Variants in MDGA2 observed in about 807,000 individuals in gnomAD.
MDGA2 encodes the protein MAM domain containing glycosylphosphatidylinositol anchor 2, also known as MAM domain-containing glycosylphosphatidylinositol anchor protein 2.
In MDGA2, 40 loss-of-function variants were observed where a neutral mutation model predicts 117.8. That is an observed-to-expected ratio of 0.34 (90% CI 0.26 to 0.44). The LOEUF (loss-of-function observed/expected upper bound fraction) is 0.44, where lower values mean the gene tolerates loss of function less well. Among genes scored for constraint, MDGA2 ranks in the 20% least tolerant of loss-of-function variants. The pLI is 1.00. For synonymous variants in MDGA2, 452 were observed against 439.0 expected (o/e 1.03, Z -0.37); for missense variants, 1,123 against 1,250.6 (o/e 0.90, Z 1.54).
At chr14:46,893,169 A>C (rs889456544) in intron 10 of MDGA2, among the ~76,000 whole-genome samples, 2 of 152,042 alleles carry the variant, frequency 1.3e-5, no homozygotes, top group African/African-American at 4.8e-5. Context: ...CCAGCTTTAA[A>C]AAAACAAGGT....
intron 1 of MDGA2, among the ~76,000 whole-genome samples, chr14:47,526,297 A>G (rs1894972665): frequency 6.6e-6 from 1 of 152,202 alleles, no homozygotes; most frequent in African/African-American, 2.4e-5. Context: ...TACACAAGAT[A>G]TTGCACAAAA....
At chr14:47,473,287 CA>C (rs1318327948) in intron 1 of MDGA2, among the ~76,000 whole-genome samples, 1 of 152,100 alleles carries the variant, frequency 6.6e-6, no homozygotes, top group Non-Finnish European at 1.5e-5. Context: ...GGTCTCCCTC[CA>C]AGTCACAGAG....
At position 47,425,761 on chromosome 14, in the gene MDGA2, T is replaced by C. The variant is rs551250783; in HGVS notation, c.281-124211A>G. Among the ~76,000 whole-genome samples the C allele has an allele frequency of 2.0e-4, 31 of 152,276 alleles. No individual in the cohort carries two copies. The South Asian group carries it at 6.0e-3, about 29-fold the overall frequency. On this transcript the variant is annotated intron_variant, in intron 1 of 16. Transcript: ENST00000399232. ...TATATGTGTGTATATTTTGACATGT[T>C]AGACTTTTAAAAGACTTGCAAAAGA...
At chr14:47,570,820 C>T (rs1014524711) in intron 1 of MDGA2, among the ~76,000 whole-genome samples, 1 of 152,156 alleles carries the variant, frequency 6.6e-6, no homozygotes, top group African/African-American at 2.4e-5. Flanking sequence ...AAAACCTAGG[C>T]AATACCATTC....
At chr14:47,584,928 A>G (rs986927558) in intron 1 of MDGA2, among the ~76,000 whole-genome samples, 1 of 151,742 alleles carries the variant, frequency 6.6e-6, no homozygotes, top group African/African-American at 2.4e-5. Context: ...AATGGTACAC[A>G]TTTATTCATA....
intron 1 of MDGA2, among the ~76,000 whole-genome samples, chr14:47,626,896 C>A (rs953059288): frequency 1.3e-5 from 2 of 152,262 alleles, no homozygotes; most frequent in African/African-American, 4.8e-5. Flanking sequence ...TGCAGGCGCA[C>A]GGCGCTGGAC....
chr14:46,986,740 T>C (rs1383617297), intron 8 of MDGA2, among the ~76,000 whole-genome samples: 1 of 152,030 alleles, frequency 6.6e-6, no homozygotes, highest in Admixed American at 6.6e-5. Flanking sequence ...GCATCAAGAG[T>C]AAGCTATATT....
intron 3 of MDGA2, among the ~76,000 whole-genome samples, chr14:47,168,299 A>AAC (rs1883973132): frequency 6.6e-6 from 1 of 151,814 alleles, no homozygotes; most frequent in African/African-American, 2.4e-5. Flanking sequence ...AAAAAAAAAA[A>AAC]AAAAAACCTT....
chr14:47,263,039 G>T (rs573207066), intron 2 of MDGA2, among the ~76,000 whole-genome samples: 1 of 151,950 alleles, frequency 6.6e-6, no homozygotes, highest in African/African-American at 2.4e-5. Context: ...AGGGCCTATC[G>T]GGCTGTGGGG....
chr14:47,086,601 GT>G (rs1890910292), intron 6 of MDGA2, among the ~76,000 whole-genome samples: 1 of 94,782 alleles, frequency 1.1e-5, no homozygotes. Flanking sequence ...AAAGATAGAA[GT>G]TAAACATAGA....
intron 3 of MDGA2, among the ~76,000 whole-genome samples, chr14:47,166,243 C>A (rs1315199296): frequency 6.6e-6 from 1 of 151,938 alleles, no homozygotes; most frequent in Non-Finnish European, 1.5e-5. Flanking sequence ...ACCGTGTTAG[C>A]CAGGATGGTA....
chr14:47,612,341 C>A (rs1896866424), intron 1 of MDGA2, among the ~76,000 whole-genome samples: 1 of 152,014 alleles, frequency 6.6e-6, no homozygotes. Flanking sequence ...CAATAGAATT[C>A]ATGTAATTTA....
intron 5 of MDGA2, among the ~76,000 whole-genome samples, chr14:47,110,913 T>C (rs1270536678): frequency 1.3e-5 from 2 of 152,148 alleles, no homozygotes; most frequent in African/African-American, 4.8e-5. Context: ...TACTACCAAA[T>C]AAACTCATTG....
chr14:47,610,985 C>T (rs1164745420), intron 1 of MDGA2, among the ~76,000 whole-genome samples: 3 of 152,116 alleles, frequency 2.0e-5, no homozygotes, highest in Non-Finnish European at 4.4e-5. Flanking sequence ...GTCACCAAAA[C>T]AGCATGGTAC....
chr14:47,597,731 T>A (rs1474652490), intron 1 of MDGA2, among the ~76,000 whole-genome samples: 1 of 152,012 alleles, frequency 6.6e-6, no homozygotes, highest in Non-Finnish European at 1.5e-5. Context: ...TTGGGTTTAG[T>A]AGTTGCTACT....
At chr14:47,236,841 TA>T (rs1886881616) in intron 2 of MDGA2, among the ~76,000 whole-genome samples, 1 of 152,140 alleles carries the variant, frequency 6.6e-6, no homozygotes, top group South Asian at 2.1e-4. Context: ...CCATAAACTA[TA>T]AAGAAAAGTC....
chr14:47,034,035 GT>G (rs1435147953), intron 8 of MDGA2, among the ~76,000 whole-genome samples: 1 of 152,092 alleles, frequency 6.6e-6, no homozygotes, highest in Non-Finnish European at 1.5e-5. Flanking sequence ...GAAGTGCATG[GT>G]TTCACCTAAT....
At chr14:47,578,014 C>T (rs981338762) in intron 1 of MDGA2, among the ~76,000 whole-genome samples, 3 of 152,086 alleles carry the variant, frequency 2.0e-5, no homozygotes, top group African/African-American at 7.2e-5. Flanking sequence ...ACATAGAACC[C>T]ACCCAAATGT....
At chr14:47,608,371 T>A (rs1183114364) in intron 1 of MDGA2, among the ~76,000 whole-genome samples, 1 of 152,134 alleles carries the variant, frequency 6.6e-6, no homozygotes, top group African/African-American at 2.4e-5. Flanking sequence ...AACTTTTGTG[T>A]AGGTCCCACT....
Sources: allele counts gnomAD v4.1 joint callset (sites outside exome capture counted in the v4.1 genomes callset), GRCh38; gene constraint gnomAD v4.1.1; transcripts MANE v1.5; gene names NCBI Gene and HGNC (gene_info 2026-07-23, HGNC 2026-07-21).